Variants in CACNA2D1 observed in about 807,000 individuals in gnomAD.
The protein encoded by CACNA2D1 is calcium voltage-gated channel auxiliary subunit alpha2delta 1.
Under a neutral mutation model 171.5 loss-of-function variants are expected in CACNA2D1, and 53 were observed. The ratio of observed to expected loss-of-function variants is 0.31; its 90% CI spans 0.25 to 0.39. The LOEUF is 0.39. CACNA2D1 is among the 10% of genes least tolerant of loss of function. The pLI is 1.00. For missense variants in CACNA2D1, 903 were observed against 1,299.8 expected, an observed-to-expected ratio of 0.69 and a Z score of 4.69; for synonymous variants, 442 against 443.1, an observed-to-expected ratio of 1.00 and a Z score of 0.03.
intron 2 of CACNA2D1, among the ~76,000 whole-genome samples, chr7:82,349,077 C>T (rs1469677850): frequency 6.6e-6 from 1 of 152,064 alleles, no homozygotes; most frequent in Non-Finnish European, 1.5e-5. Flanking sequence ...TGCACCAGAA[C>T]CGTTATTACT....
chr7:82,000,051 G>A (rs2130820673), intron 18 of CACNA2D1, among the ~76,000 whole-genome samples: 1 of 152,066 alleles, frequency 6.6e-6, no homozygotes, highest in East Asian at 1.9e-4. Context: ...ACGAGGTCAG[G>A]AGATCAAGAC....
At chr7:82,190,171 T>C (rs1363287224) in intron 3 of CACNA2D1, among the ~76,000 whole-genome samples, 1 of 151,758 alleles carries the variant, frequency 6.6e-6, no homozygotes, top group Admixed American at 6.6e-5. Flanking sequence ...GTAAACAATC[T>C]TAGTCACTAA....
At chr7:82,295,508 T>C (rs1812157239) in intron 3 of CACNA2D1, among the ~76,000 whole-genome samples, 5 of 151,818 alleles carry the variant, frequency 3.3e-5, no homozygotes. Flanking sequence ...TATACCTCGC[T>C]AATTTCTTTC....
intron 6 of CACNA2D1, among the ~76,000 whole-genome samples, chr7:82,115,064 G>A (rs1449880900): frequency 2.6e-5 from 4 of 152,164 alleles, no homozygotes; most frequent in Non-Finnish European, 4.4e-5. Context: ...CAACATTCAA[G>A]TTGGCTTCAG....
In CACNA2D1 at chr7:82,016,679, C is replaced by G. The variant is rs113544403; in HGVS notation, c.1144-2200G>C. 9.0e-3 allele frequency among the ~76,000 whole-genome samples: 1,258 copies of G among 140,480 alleles called. 19 individuals are homozygous for G. Among genetic ancestry groups the G allele is most frequent in the African/African-American group, 0.031 (1,203 of 39,056 alleles). The allele number at this position is 140,480 out of a possible 152,430, so 92.2% of individuals were successfully genotyped here. A position where few individuals can be genotyped will look rare whatever the true frequency, so the allele number is the denominator to read the frequency against. On this transcript the variant is annotated intron_variant, in intron 12 of 38. Transcript: ENST00000356860. ...CTATAAAAGTTTCACTTAACTTCTA[C>G]GTGTTTGCTTACATGGACCCCTCAG... is the stretch of plus-strand genomic sequence containing the variant.
intron 3 of CACNA2D1, among the ~76,000 whole-genome samples, chr7:82,319,840 G>A (rs1815594822): frequency 6.6e-6 from 1 of 152,162 alleles, no homozygotes; most frequent in Non-Finnish European, 1.5e-5. Context: ...AACCAGAGAA[G>A]GAGTAGACAG....
At chr7:82,141,669 A>C (rs2129088663) in intron 4 of CACNA2D1, among the ~76,000 whole-genome samples, 1 of 152,328 alleles carries the variant, frequency 6.6e-6, no homozygotes, top group African/African-American at 2.4e-5. Context: ...CAAGGATCTG[A>C]CCTCGTATAT....
intron 24 of CACNA2D1, among the ~76,000 whole-genome samples, chr7:81,979,343 T>C (rs1584269384): frequency 6.6e-6 from 1 of 152,188 alleles, no homozygotes; most frequent in African/African-American, 2.4e-5. Context: ...ACAGAAATGG[T>C]TCATACACTA....
chr7:82,105,368 T>G (rs986523202), intron 6 of CACNA2D1, among the ~76,000 whole-genome samples: 1 of 149,794 alleles, frequency 6.7e-6, no homozygotes, highest in Admixed American at 6.7e-5. Context: ...TGGTTATATA[T>G]CCTAGAAAAT....
At chr7:82,005,561 T>G (rs1312527213) in intron 17 of CACNA2D1, 64 bp from the exon 18 acceptor site, 2 of 1,061,956 alleles carry the variant, frequency 1.9e-6, no homozygotes, top group Non-Finnish European at 1.4e-6. Context: ...TCTATATTCT[T>G]TTAAATACAT....
At chr7:82,113,761 T>C (rs1432025759) in intron 6 of CACNA2D1, among the ~76,000 whole-genome samples, 1 of 152,214 alleles carries the variant, frequency 6.6e-6, no homozygotes, top group Non-Finnish European at 1.5e-5. Context: ...AGAATACTGG[T>C]AATTATTAAA....
intron 20 of CACNA2D1, among the ~76,000 whole-genome samples, chr7:81,992,946 T>A (rs1797695853): frequency 6.6e-6 from 1 of 152,186 alleles, no homozygotes; most frequent in Non-Finnish European, 1.5e-5. Flanking sequence ...GGAGTATGCA[T>A]AATAAATACA....
intron 9 of CACNA2D1, among the ~76,000 whole-genome samples, chr7:82,063,777 T>C (rs886138274): frequency 4.6e-5 from 7 of 152,134 alleles, no homozygotes; most frequent in Non-Finnish European, 5.9e-5. Flanking sequence ...ATATCTTGAA[T>C]TGAAGCACTA....
chr7:81,957,502 G>A (rs1258013969), intron 38 of CACNA2D1, among the ~76,000 whole-genome samples: 2 of 152,074 alleles, frequency 1.3e-5, no homozygotes, highest in Non-Finnish European at 2.9e-5. Context: ...GAAGATAGGA[G>A]CTGACATCAT....
At chr7:82,287,508 A>C (rs1412535257) in intron 3 of CACNA2D1, among the ~76,000 whole-genome samples, 2 of 152,128 alleles carry the variant, frequency 1.3e-5, no homozygotes, top group Non-Finnish European at 2.9e-5. Flanking sequence ...CATCTGTCCT[A>C]TATGCTTCAC....
chr7:82,395,767 T>C (rs555001580), intron 1 of CACNA2D1, among the ~76,000 whole-genome samples: 11 of 152,294 alleles, frequency 7.2e-5, no homozygotes, highest in South Asian at 2.1e-4. Context: ...TTATAGTAAG[T>C]ATGTATTTTC....
chr7:82,044,428 G>A (rs572859548), intron 10 of CACNA2D1, among the ~76,000 whole-genome samples: 3 of 152,236 alleles, frequency 2.0e-5, no homozygotes, highest in African/African-American at 7.2e-5. Flanking sequence ...AAATAATGGT[G>A]CAAAATTGTT....
chr7:81,997,381 T>TC, intron 18 of CACNA2D1, 131 bp from the exon 19 acceptor site: 1 of 514,520 alleles, frequency 1.9e-6, no homozygotes. Flanking sequence ...AAAGGTATCT[T>TC]CTTTCATATA....
At chr7:82,366,201 A>G (rs1821685576) in intron 1 of CACNA2D1, among the ~76,000 whole-genome samples, 1 of 146,516 alleles carries the variant, frequency 6.8e-6, no homozygotes, top group South Asian at 2.2e-4. Context: ...ATTGAAAAGC[A>G]GTTCCTTTTA....
Sources: gnomAD v4.1 joint callset for allele counts (sites outside exome capture counted in the v4.1 genomes callset) on GRCh38, gnomAD v4.1.1 for gene constraint, MANE v1.5 for transcripts, NCBI Gene and HGNC (gene_info 2026-07-23, HGNC 2026-07-21) for gene names.